The following ADGRD1 variants were observed in gnomAD, a reference collection of about 807,000 sequenced individuals.
ADGRD1 encodes adhesion G protein-coupled receptor D1, also known as G-protein coupled receptor 133.
A neutral mutation model predicts 113.4 loss-of-function variants in ADGRD1; 77 were observed. The ratio of observed to expected loss-of-function variants is 0.68; its 90% confidence interval spans 0.57 to 0.82. ADGRD1 has a LOEUF of 0.82. ADGRD1 is among the 40% of genes least tolerant of loss of function. ADGRD1 has a pLI of 0.00. For missense variants in ADGRD1, 1,036 were observed against 1,139.1 expected, an observed-to-expected ratio of 0.91 and a Z score of 1.30; for synonymous variants, 474 against 475.0, an observed-to-expected ratio of 1.00 and a Z score of 0.03.
intron 15 of ADGRD1, among the ~76,000 whole-genome samples, chr12:131,092,551 G>A (rs564114836): frequency 7.7e-4 from 117 of 152,122 alleles, no homozygotes; most frequent in African/African-American, 2.6e-3. Context: ...CTTCCTGCAG[G>A]TGGCCACTTC....
Position 130,993,332 on chromosome 12 carries a change from C to A in ADGRD1, c.966+940C>A, listed in dbSNP as rs140772977. The stretch of plus-strand genomic sequence containing the variant: ...TCTTGGAATGGAGGGAGGTTGCCCT[C>A]AGCTTTTCTGTCCACGTAAGAGAAG... On this transcript the variant is annotated intron_variant, in intron 8 of 24. Coordinates refer to ENST00000261654, the MANE Select transcript of ADGRD1 (RefSeq NM_198827.5). 2.6e-3 allele frequency among the ~76,000 whole-genome samples: 390 copies of A among 151,898 alleles called. 1 individual carries two copies. The highest frequency in any genetic ancestry group is 4.8e-3 in the South Asian group (23 of 4,788).
chr12:130,982,934 A>G (rs139490347), intron 5 of ADGRD1, among the ~76,000 whole-genome samples: 12 of 152,300 alleles, frequency 7.9e-5, no homozygotes, highest in Admixed American at 2.0e-4. Flanking sequence ...GGGCAGCACA[A>G]AAGCCTAGGA....
chr12:131,005,232 C>G (rs1469450221), intron 11 of ADGRD1, among the ~76,000 whole-genome samples: 1 of 152,190 alleles, frequency 6.6e-6, no homozygotes, highest in African/African-American at 2.4e-5. Flanking sequence ...GATGTCCCTA[C>G]CCCAGAAGCC....
At chr12:131,037,491 T>G (rs1253515560) in intron 13 of ADGRD1, among the ~76,000 whole-genome samples, 1 of 107,058 alleles carries the variant, frequency 9.3e-6, no homozygotes, top group African/African-American at 3.9e-5. Flanking sequence ...CTCACTGCAC[T>G]GGGTCTTACT....
chr12:130,973,705 T>C (rs10734985), intron 4 of ADGRD1, among the ~76,000 whole-genome samples: 119,272 of 152,202 alleles, frequency 0.78, 50,642 homozygotes, highest in East Asian at 0.95. Context: ...AACTCGGGCT[T>C]CATGTCCCGC....
At chr12:130,978,184 A>G (rs1333547863) in intron 4 of ADGRD1, 1 of 152,178 alleles carries the variant, frequency 6.6e-6, no homozygotes, top group Non-Finnish European at 1.5e-5. Flanking sequence ...TATGAAGGGA[A>G]TTAACTTCTC....
chr12:131,087,808 G>A (rs780334240), intron 15 of ADGRD1, among the ~76,000 whole-genome samples: 1 of 152,186 alleles, frequency 6.6e-6, no homozygotes, highest in Non-Finnish European at 1.5e-5. Flanking sequence ...GGCCCTTCGC[G>A]GCTGGGGAGG....
At chr12:131,034,469 G>A (rs1338594293) in intron 13 of ADGRD1, among the ~76,000 whole-genome samples, 1 of 152,200 alleles carries the variant, frequency 6.6e-6, no homozygotes, top group Non-Finnish European at 1.5e-5. Context: ...TGTCTTACTT[G>A]TGTGTTTGCT....
At chr12:131,065,671 G>A (rs1246765145) in intron 13 of ADGRD1, among the ~76,000 whole-genome samples, 2 of 152,222 alleles carry the variant, frequency 1.3e-5, no homozygotes, top group African/African-American at 4.8e-5. Context: ...TCAGAGTGCA[G>A]GGAAGGCCCC....
At position 130,992,425 on chromosome 12, in the gene ADGRD1, C is replaced by T. The variant is rs777434827; in HGVS notation, c.966+33C>T. 7.4e-5 allele frequency: 117 copies of T among 1,585,786 alleles called. No homozygotes were observed. The East Asian group carries it at 1.7e-3, about 23-fold the overall frequency. ...TATTTGATGTCTGTGTCTGGTGGAC[C>T]GGGCGTGGCACCCTTACCGGGACCA... On this transcript the variant is annotated intron_variant, in intron 8 of 24. Coordinates refer to ENST00000261654, the MANE Select transcript of ADGRD1 (RefSeq NM_198827.5).
At chr12:131,025,052 A>G (rs1879794982) in intron 13 of ADGRD1, among the ~76,000 whole-genome samples, 1 of 152,230 alleles carries the variant, frequency 6.6e-6, no homozygotes, top group Admixed American at 6.5e-5. Flanking sequence ...GTAGAAGGCC[A>G]TGTTTGTGTC....
chr12:131,084,983 A>G lies in ADGRD1; in HGVS notation c.1671+320A>G, dbSNP rs1390260096. On this transcript the variant is annotated intron_variant, in intron 15 of 24. Coordinates refer to ENST00000261654, the MANE Select transcript of ADGRD1 (RefSeq NM_198827.5). This position sits in a 1 kb window ranked among gnomAD's most constrained non-coding sequence, Gnocchi z 4.5. ...ATCCCTCCATCTGTCCCTCTGGCAG[A>G]TTCTCACTGGGCGCCTGCTGGGAGC... Among the ~76,000 whole-genome samples the G allele has an allele frequency of 6.6e-6, 1 of 152,200 alleles. No individual in the cohort carries two copies. Among genetic ancestry groups the G allele is most frequent in the East Asian group, 1.9e-4 (1 of 5,186 alleles).
intron 13 of ADGRD1, among the ~76,000 whole-genome samples, chr12:131,028,716 T>C (rs1880266728): frequency 6.6e-6 from 1 of 152,098 alleles, no homozygotes; most frequent in Non-Finnish European, 1.5e-5. Flanking sequence ...AGTGCTGTGG[T>C]GCCGCCTTTG....
At chr12:131,125,378 G>A (rs753298522) in intron 20 of ADGRD1, among the ~76,000 whole-genome samples, 4 of 152,186 alleles carry the variant, frequency 2.6e-5, no homozygotes, top group South Asian at 4.1e-4. Context: ...TGGCCCCACC[G>A]AGGAAAGAAG....
rs1192177256 is a variant in ADGRD1, at chr12:131,140,736, G to A, written c.*1473G>A. On this transcript the variant is annotated 3_prime_UTR_variant, in exon 25 of 25. Transcript: ENST00000261654. ...GTAACTCTTCCCCTGGTCGCCTGGA[G>A]TGGACCACTCATCTGCAGGCCTCTC... 6.6e-6 allele frequency: 1 copy of A among 152,296 alleles called. No homozygotes were observed. Among genetic ancestry groups the A allele is most frequent in the African/African-American group, 2.4e-5 (1 of 41,466 alleles). 9.4% of individuals were successfully genotyped at this position (152,296 alleles called of 1,614,324 possible).
intron 18 of ADGRD1, among the ~76,000 whole-genome samples, chr12:131,115,721 C>T (rs1950449193): frequency 6.6e-6 from 1 of 152,182 alleles, no homozygotes; most frequent in Non-Finnish European, 1.5e-5. Context: ...AAGCATGTTC[C>T]AGGTCTGCCC....
At chr12:131,082,719 G>A (rs1886162399) in intron 14 of ADGRD1, among the ~76,000 whole-genome samples, 5 of 152,172 alleles carry the variant, frequency 3.3e-5, no homozygotes, top group Admixed American at 1.3e-4. Context: ...GGGAGGGAGA[G>A]GAGGAGGACA....
chr12:131,017,717 C>T (rs1246834768), intron 13 of ADGRD1, among the ~76,000 whole-genome samples: 3 of 151,162 alleles, frequency 2.0e-5, no homozygotes, highest in Non-Finnish European at 2.9e-5. Context: ...TGCTCACACA[C>T]CCAGTACACA....
chr12:130,979,501 T>G (rs2136579457), intron 4 of ADGRD1, among the ~76,000 whole-genome samples: 1 of 152,310 alleles, frequency 6.6e-6, no homozygotes, highest in African/African-American at 2.4e-5. Context: ...AGACACTGCC[T>G]TATACACGAA....
Sources: gnomAD v4.1 joint callset for allele counts (sites outside exome capture counted in the v4.1 genomes callset) on GRCh38, gnomAD v4.1.1 for gene constraint, Gnocchi (gnomAD v3.1) non-coding constraint, MANE v1.5 for transcripts, NCBI Gene and HGNC (gene_info 2026-07-23, HGNC 2026-07-21) for gene names.